NTN1: variants seen among roughly 807,000 people sequenced by gnomAD.
NTN1 encodes netrin 1.
A neutral mutation model predicts 54.2 loss-of-function variants in NTN1; 11 were observed. The observed-to-expected ratio is 0.20, with a 90% CI of 0.13 to 0.34. The LOEUF (loss-of-function observed/expected upper bound fraction) is 0.34, where lower values mean the gene tolerates loss of function less well. Ranked by LOEUF, NTN1 falls within the 10% of genes least tolerant of loss-of-function variation. The pLI is 1.00. For synonymous variants in NTN1, 371 were observed against 382.0 expected (o/e 0.97, Z 0.33); for missense variants, 740 against 893.1 (o/e 0.83, Z 2.18).
Position 9,239,857 on chromosome 17 carries a change from C to T in NTN1, c.1704C>T (p.Ser568=). 6.2e-7 allele frequency: 1 copy of T among 1,612,502 alleles called. No individual in the cohort carries two copies. The highest frequency in any genetic ancestry group is 8.5e-7 in the Non-Finnish European group (1 of 1,179,758). Residue 568 remains serine (S), a synonymous_variant, in exon 7 of 7, where the codon AGC becomes AGT. Coordinates refer to ENST00000173229, the MANE Select transcript of NTN1 (RefSeq NM_004822.3). The surrounding 1 kb of genome is among the most constrained non-coding windows in gnomAD (Gnocchi z 5.2). ...LGNAEDSPDQ[S]GIVADKSSLV... is the part of the protein sequence containing the mutation. ...ACGCGGAGGACTCTCCGGACCAGAG[C>T]GGCATCGTGGCCGATAAAAGCAGCC...
chr17:9,055,961 A>C (rs892452791), intron 2 of NTN1, among the ~76,000 whole-genome samples: 3 of 151,378 alleles, frequency 2.0e-5, no homozygotes, highest in Non-Finnish European at 4.4e-5. Flanking sequence ...GCAATGGCGC[A>C]ATCTGTGCTC....
chr17:9,102,976 T>C (rs2092155186), intron 2 of NTN1, among the ~76,000 whole-genome samples: 1 of 152,150 alleles, frequency 6.6e-6, no homozygotes. Flanking sequence ...GGGTAGTGAC[T>C]GTGGAGGAGG....
chr17:9,049,921 T>C (rs1184078700), intron 2 of NTN1, among the ~76,000 whole-genome samples: 1 of 152,218 alleles, frequency 6.6e-6, no homozygotes, highest in East Asian at 1.9e-4. Flanking sequence ...TCTGCAACTT[T>C]TTATAAGCCT....
chr17:9,139,299 C>A (rs1224573564), intron 2 of NTN1, among the ~76,000 whole-genome samples: 1 of 152,128 alleles, frequency 6.6e-6, no homozygotes, highest in African/African-American at 2.4e-5. Flanking sequence ...TACCGGAGGG[C>A]CAGGCCTGAC....
chr17:9,201,678 G>A (rs1904788707), intron 5 of NTN1, among the ~76,000 whole-genome samples: 2 of 152,048 alleles, frequency 1.3e-5, no homozygotes. Context: ...TCCTAGCAAC[G>A]GATCAGATGC....
intron 2 of NTN1, among the ~76,000 whole-genome samples, chr17:9,095,039 A>G (rs1166061609): frequency 6.6e-6 from 1 of 150,560 alleles, no homozygotes; most frequent in Admixed American, 6.6e-5. Context: ...TTTTAAAAGT[A>G]TGCATTTCTT....
chr17:9,231,295 C>CAG (rs377688110), intron 6 of NTN1, among the ~76,000 whole-genome samples: 129 of 145,520 alleles, frequency 8.9e-4, no homozygotes, highest in African/African-American at 3.1e-3. Context: ...ATGGGGTACC[C>CAG]GGGGGGGGAC....
Position 9,023,303 on chromosome 17 carries a change from G to A in NTN1, c.930G>A (p.Thr310=). 1 of 1,545,250 alleles carries A rather than the reference G, an allele frequency of 6.5e-7. No individual in the cohort carries two copies. The highest frequency in any genetic ancestry group is 8.7e-7 in the Non-Finnish European group (1 of 1,147,680). The part of the protein sequence containing the change: ...DSLVCDCRHN[T]AGPECDRCKP... ...TGGTGTGCGACTGCAGGCACAACAC[G>A]GCCGGCCCGGAGTGCGACCGCTGCA... The change falls in exon 2 of 7, where the codon ACG becomes ACA. Residue 310 remains threonine, a synonymous_variant. Transcript: ENST00000173229.
chr17:9,133,500 G>C (rs1477991152), intron 2 of NTN1, among the ~76,000 whole-genome samples: 2 of 152,192 alleles, frequency 1.3e-5, no homozygotes, highest in Non-Finnish European at 2.9e-5. Flanking sequence ...GCAGGGCTGG[G>C]AGCCAGGGCG....
intron 6 of NTN1, among the ~76,000 whole-genome samples, chr17:9,226,744 C>A (rs1320687500): frequency 6.6e-6 from 1 of 152,116 alleles, no homozygotes; most frequent in Non-Finnish European, 1.5e-5. Context: ...GAAAGCCCAA[C>A]CTTGGAGGGA....
chr17:9,104,955 C>T (rs1170269868), intron 2 of NTN1, among the ~76,000 whole-genome samples: 1 of 152,184 alleles, frequency 6.6e-6, no homozygotes, highest in Non-Finnish European at 1.5e-5. Flanking sequence ...AGGCCGAGGC[C>T]CCTGTGATGG....
Position 9,184,269 on chromosome 17 carries a change from G to A in NTN1, c.1411+1300G>A, listed in dbSNP as rs1042870152. On this transcript the variant is annotated intron_variant, in intron 5 of 6. Coordinates refer to ENST00000173229, the MANE Select transcript of NTN1 (RefSeq NM_004822.3). ...AAAGCCAAAGACAGTTGAGTCTTGC[G>A]TTGTTTGCAGAGCCTTTAGGGACTT... is the stretch of plus-strand genomic sequence containing the variant. Among the ~76,000 whole-genome samples, 7 of 152,338 alleles carry A rather than the reference G, an allele frequency of 4.6e-5. No homozygotes were observed. The South Asian group carries it at 1.2e-3, about 27-fold the overall frequency.
At chr17:9,162,733 T>C (rs2142298913) in intron 2 of NTN1, 80 bp from the exon 3 acceptor site, 1 of 1,327,304 alleles carries the variant, frequency 7.5e-7, no homozygotes, top group Non-Finnish European at 1.0e-6. Context: ...AGTTGAGGGG[T>C]GGGGTTTCTT....
intron 2 of NTN1, among the ~76,000 whole-genome samples, chr17:9,097,226 A>G (rs893475465): frequency 6.6e-6 from 1 of 152,248 alleles, no homozygotes; most frequent in South Asian, 2.1e-4. Flanking sequence ...ACGCTGCTGT[A>G]AGATGTGTTT....
chr17:9,044,871 C>T (rs549190878), intron 2 of NTN1, among the ~76,000 whole-genome samples: 4 of 152,172 alleles, frequency 2.6e-5, no homozygotes, highest in African/African-American at 4.8e-5. Flanking sequence ...AGAGTAAAAG[C>T]GGGGGGTCAC....
chr17:9,018,558 C>T (rs755649958), upstream of NTN1, among the ~76,000 whole-genome samples: 12 of 150,372 alleles, frequency 8.0e-5, no homozygotes, highest in Admixed American at 5.3e-4. Flanking sequence ...CGCTTGAACC[C>T]GGGAGGCAGA....
chr17:9,102,565 G>A (rs925679667), intron 2 of NTN1, among the ~76,000 whole-genome samples: 3 of 152,058 alleles, frequency 2.0e-5, no homozygotes, highest in African/African-American at 7.2e-5. Context: ...CCATATCAGC[G>A]GCATCTACTA....
intron 2 of NTN1, among the ~76,000 whole-genome samples, chr17:9,073,591 C>T (rs1321019550): frequency 6.6e-6 from 1 of 152,208 alleles, no homozygotes; most frequent in Non-Finnish European, 1.5e-5. Context: ...AGCATCTGCC[C>T]TCCCGCCGAG....
In NTN1 at chr17:9,107,017, G is replaced by A. The variant is rs114384390; in HGVS notation, c.1019-55796G>A. On this transcript the variant is annotated intron_variant, in intron 2 of 6. Transcript: ENST00000173229. ...TGAGCAGCAGAAAGATAATGTACTCGTGGTCCCTCATCTAGATAAAAGAAG... is the reference window on the plus strand; with the variant it reads ...TGAGCAGCAGAAAGATAATGTACTCATGGTCCCTCATCTAGATAAAAGAAG... Among the ~76,000 whole-genome samples the A allele has an allele frequency of 3.4e-3, 516 of 152,228 alleles. 5 individuals are homozygous for A. The highest frequency in any genetic ancestry group is 0.012 in the African/African-American group (478 of 41,548).
Sources: gnomAD v4.1 joint callset for allele counts (sites outside exome capture counted in the v4.1 genomes callset) on GRCh38, gnomAD v4.1.1 for gene constraint, Gnocchi (gnomAD v3.1) non-coding constraint, MANE v1.5 for transcripts, NCBI Gene and HGNC (gene_info 2026-07-23, HGNC 2026-07-21) for gene names.